The following FGF12 variants were observed in gnomAD, a reference collection of about 807,000 sequenced individuals.
The protein encoded by FGF12 is fibroblast growth factor 12.
FGF12 carries 14 observed loss-of-function variants against 23.6 expected under a neutral mutation model. The ratio of observed to expected loss-of-function variants is 0.59; its 90% CI spans 0.39 to 0.93. The LOEUF (loss-of-function observed/expected upper bound fraction) is 0.93. FGF12 is among the 40% of genes least tolerant of loss of function. The pLI is 0.00. For missense variants in FGF12, 175 were observed against 217.8 expected (o/e 0.80, Z 1.24); for synonymous variants, 62 against 77.3 (o/e 0.80, Z 1.04).
Position 192,700,765 on chromosome 3 carries a change from C to T in FGF12, c.13+26416G>A, listed in dbSNP as rs560585449. ...GGGGGGTCGGACATGCCTCATTATA[C>T]ATTGCTCCTTTGGAATTCAGGCACA... On this transcript the variant is annotated intron_variant, in intron 2 of 5. Transcript: ENST00000445105. Among the ~76,000 whole-genome samples the T allele has an allele frequency of 2.0e-5, 3 of 152,240 alleles. No homozygotes were observed. The East Asian group carries it at 5.8e-4, about 29-fold the overall frequency.
chr3:192,417,441 G>A (rs1240031721), intron 2 of FGF12, among the ~76,000 whole-genome samples: 2 of 151,268 alleles, frequency 1.3e-5, no homozygotes, highest in Non-Finnish European at 2.9e-5. Flanking sequence ...TAGAATTTTT[G>A]TTCCTCCTGT....
intron 5 of FGF12, among the ~76,000 whole-genome samples, chr3:192,155,072 A>AT (rs1479463991): frequency 4.0e-5 from 6 of 150,286 alleles, no homozygotes; most frequent in Admixed American, 2.6e-4. Context: ...GAGTGACCCG[A>AT]TTTTCCAGGT....
Position 192,185,600 on chromosome 3 carries a change from G to A in FGF12, c.229-14944C>T, listed in dbSNP as rs1014723377. On this transcript the variant is annotated intron_variant, in intron 4 of 5. Coordinates refer to ENST00000445105, the MANE Select transcript of FGF12 (RefSeq NM_004113.6). ...TAATAGGCCAGGCGTGGTGGCTCACGCCTGTAATGCCAGTACTGTGGGAGG... is the reference window on the plus strand; with the variant it reads ...TAATAGGCCAGGCGTGGTGGCTCACACCTGTAATGCCAGTACTGTGGGAGG... Among the ~76,000 whole-genome samples the A allele has an allele frequency of 8.6e-5, 13 of 151,748 alleles. No homozygotes were observed. In the East Asian group the frequency reaches 2.1e-3, roughly 25 times the overall value.
chr3:192,479,483 C>T (rs1405065957), intron 2 of FGF12, among the ~76,000 whole-genome samples: 2 of 152,070 alleles, frequency 1.3e-5, no homozygotes, highest in African/African-American at 4.8e-5. Flanking sequence ...AGACCTTAAG[C>T]ATTATCTATT....
chr3:192,245,713 C>G (rs1711531624), intron 4 of FGF12, among the ~76,000 whole-genome samples: 1 of 152,090 alleles, frequency 6.6e-6, no homozygotes, highest in Admixed American at 6.5e-5. Flanking sequence ...ACAATTTGGT[C>G]CATGTTAGAA....
chr3:192,179,168 T>TC (rs1716026408), intron 4 of FGF12, among the ~76,000 whole-genome samples: 1 of 151,864 alleles, frequency 6.6e-6, no homozygotes, highest in African/African-American at 2.4e-5. Context: ...TGAATTTTTT[T>TC]GAAAAAAAAA....
intron 2 of FGF12, among the ~76,000 whole-genome samples, chr3:192,448,842 A>G (rs1722437412): frequency 6.6e-6 from 1 of 152,208 alleles, no homozygotes; most frequent in South Asian, 2.1e-4. Context: ...GAAGACCCAA[A>G]TAAGTTTAAA....
At chr3:192,559,523 A>G (rs1711925074) in intron 2 of FGF12, among the ~76,000 whole-genome samples, 6 of 152,162 alleles carry the variant, frequency 3.9e-5, no homozygotes, top group Admixed American at 3.3e-4. Flanking sequence ...CAAACCTCAT[A>G]GAATGTACAA....
intron 4 of FGF12, among the ~76,000 whole-genome samples, chr3:192,318,683 AAC>A (rs1429577440): frequency 6.6e-6 from 1 of 152,148 alleles, no homozygotes; most frequent in African/African-American, 2.4e-5. Context: ...AAAGAATAAT[AAC>A]AGAGAACTTC....
At chr3:192,333,609 T>C (rs7645246) in intron 4 of FGF12, among the ~76,000 whole-genome samples, 10,630 of 152,022 alleles carry the variant, frequency 0.07, 1,164 homozygotes, top group African/African-American at 0.23. Flanking sequence ...ATACAAAATA[T>C]AGTGTATATT....
chr3:192,228,921 G>A (rs191549350), intron 4 of FGF12, among the ~76,000 whole-genome samples: 6 of 152,012 alleles, frequency 3.9e-5, no homozygotes, highest in African/African-American at 7.2e-5. Flanking sequence ...GTTCAATTAC[G>A]TTTTTTTAAA....
At chr3:192,570,101 G>C (rs1356430951) in intron 2 of FGF12, among the ~76,000 whole-genome samples, 1 of 152,162 alleles carries the variant, frequency 6.6e-6, no homozygotes, top group Non-Finnish European at 1.5e-5. Context: ...GAAGAAAAAA[G>C]AAAAGAGGAC....
chr3:192,337,167 T>A (rs1014046397), intron 3 of FGF12, among the ~76,000 whole-genome samples: 1 of 152,132 alleles, frequency 6.6e-6, no homozygotes. Flanking sequence ...ATACAGTGTA[T>A]AATTTACTTC....
chr3:192,555,828 A>G (rs928170998), intron 2 of FGF12, among the ~76,000 whole-genome samples: 1 of 151,928 alleles, frequency 6.6e-6, no homozygotes, highest in Non-Finnish European at 1.5e-5. Flanking sequence ...GTAATTTGTG[A>G]CATCTATAGC....
chr3:192,664,248 C>A (rs546540551), intron 2 of FGF12, among the ~76,000 whole-genome samples: 10 of 152,216 alleles, frequency 6.6e-5, no homozygotes, highest in Non-Finnish European at 1.0e-4. Context: ...AACAAAGTTA[C>A]CACTGTGTGG....
At chr3:192,215,711 T>C (rs1718161246) in intron 4 of FGF12, among the ~76,000 whole-genome samples, 1 of 152,232 alleles carries the variant, frequency 6.6e-6, no homozygotes, top group African/African-American at 2.4e-5. Context: ...CTGCTCTCTC[T>C]TATTTCCTCC....
chr3:192,528,614 T>C (rs1171530746), intron 2 of FGF12, among the ~76,000 whole-genome samples: 2 of 152,176 alleles, frequency 1.3e-5, no homozygotes, highest in African/African-American at 4.8e-5. Flanking sequence ...CACATTTCCC[T>C]TCCACACTGC....
At chr3:192,185,719 G>T (rs1324132262) in intron 4 of FGF12, among the ~76,000 whole-genome samples, 2 of 151,970 alleles carry the variant, frequency 1.3e-5, no homozygotes, top group Non-Finnish European at 2.9e-5. Context: ...AATTAGCCAG[G>T]CATGGTGGTG....
At chr3:192,207,591 G>A (rs1717721600) in intron 4 of FGF12, among the ~76,000 whole-genome samples, 1 of 152,168 alleles carries the variant, frequency 6.6e-6, no homozygotes, top group Non-Finnish European at 1.5e-5. Flanking sequence ...TGGCATGTAG[G>A]GGGAATACCA....
Sources: gnomAD v4.1 joint callset for allele counts (sites outside exome capture counted in the v4.1 genomes callset) on GRCh38, gnomAD v4.1.1 for gene constraint, MANE v1.5 for transcripts, NCBI Gene and HGNC (gene_info 2026-07-23, HGNC 2026-07-21) for gene names.